The following IL1RAPL1 variants were observed in gnomAD, a reference collection of about 807,000 sequenced individuals.
IL1RAPL1 encodes interleukin 1 receptor accessory protein like 1.
Under a neutral mutation model 48.4 loss-of-function variants are expected in IL1RAPL1, and 3 were observed. That is an observed-to-expected ratio of 0.06 (90% CI 0.03 to 0.16). The LOEUF (loss-of-function observed/expected upper bound fraction) is 0.16, where lower values mean the gene tolerates loss of function less well. Ranked by LOEUF, IL1RAPL1 falls within the 10% of genes least tolerant of loss-of-function variation. The probability of loss-of-function intolerance (pLI) is 1.00; values close to 1 mark genes in which losing one functional copy is unlikely to be tolerated. For synonymous variants in IL1RAPL1, 185 were observed against 187.7 expected, an observed-to-expected ratio of 0.99 and a Z score of 0.12; for missense variants, 349 against 530.6, an observed-to-expected ratio of 0.66 and a Z score of 3.36.
intron 6 of IL1RAPL1, among the ~76,000 whole-genome samples, chrX:29,812,060 G>A (rs1334476306): frequency 8.9e-6 from 1 of 111,830 alleles, no homozygotes; most frequent in Non-Finnish European, 1.9e-5. Flanking sequence ...CAACTTAAAT[G>A]TTGTACAGTA....
chrX:29,359,033 A>C (rs1244380718), intron 3 of IL1RAPL1, among the ~76,000 whole-genome samples: 1 of 110,974 alleles, frequency 9.0e-6, no homozygotes, highest in Admixed American at 9.6e-5. Context: ...AAAAAAAAAA[A>C]CAACAATGTA....
intron 6 of IL1RAPL1, among the ~76,000 whole-genome samples, chrX:29,914,322 C>T (rs1218489989): frequency 8.9e-6 from 1 of 111,789 alleles, no homozygotes; most frequent in Non-Finnish European, 1.9e-5. Context: ...CAGTTGATGT[C>T]GGAAAGAAAG....
At chrX:29,405,612 C>T (rs1167239353) in intron 5 of IL1RAPL1, among the ~76,000 whole-genome samples, 2 of 106,923 alleles carry the variant, frequency 1.9e-5, no homozygotes, top group South Asian at 4.1e-4. Flanking sequence ...GTGATCCACC[C>T]GCCTCGGCCT....
intron 2 of IL1RAPL1, among the ~76,000 whole-genome samples, chrX:29,191,501 G>C (rs184349020): frequency 1.3e-3 from 143 of 111,636 alleles, no homozygotes; most frequent in Admixed American, 6.5e-3. Flanking sequence ...CTCCCCATCA[G>C]TCTGGCCCAG....
intron 2 of IL1RAPL1, among the ~76,000 whole-genome samples, chrX:29,216,328 T>C (rs1461950791): frequency 2.7e-5 from 3 of 110,869 alleles, no homozygotes; most frequent in Non-Finnish European, 1.9e-5. Flanking sequence ...TAGCTGGGAC[T>C]ACAGGCACGT....
chrX:28,684,405 T>C (rs1371203584), intron 1 of IL1RAPL1, among the ~76,000 whole-genome samples: 2 of 111,901 alleles, frequency 1.8e-5, no homozygotes, highest in Non-Finnish European at 3.8e-5. Flanking sequence ...CTTAATTCCT[T>C]GAGACTTTGG....
At chrX:29,800,047 ATAAT>A in intron 6 of IL1RAPL1, among the ~76,000 whole-genome samples, 1 of 111,878 alleles carries the variant, frequency 8.9e-6, no homozygotes, top group East Asian at 2.8e-4. Flanking sequence ...GCACAAAGAA[ATAAT>A]TATGTGCATA....
At chrX:28,832,822 AT>A (rs199869467) in intron 2 of IL1RAPL1, among the ~76,000 whole-genome samples, 3,874 of 80,286 alleles carry the variant, frequency 0.048, 166 homozygotes, top group African/African-American at 0.14. Context: ...ATTTTTTTCA[AT>A]TTTTTTTTTT....
rs951931153 is a variant in IL1RAPL1 at position 28,659,538 on chromosome X, T to C, written c.-25+71491T>C. ...GAGCTCGGCGAGCTAGAGGCGGCGC[T>C]GGCTAGAGGCGAGCTAGAGACTGGC... On this transcript the variant is annotated intron_variant, in intron 1 of 10. Transcript: ENST00000378993. 5.6e-5 allele frequency: 24 copies of C among 429,850 alleles called. No individual in the cohort carries two copies. The African/African-American group carries it at 5.8e-4, about 10-fold the overall frequency. 35.4% of individuals were successfully genotyped at this position (429,850 alleles called of 1,213,427 possible). A position where few individuals can be genotyped will look rare whatever the true frequency, so the allele number is the denominator to read the frequency against.
At chrX:28,849,692 C>G (rs894611639) in intron 2 of IL1RAPL1, among the ~76,000 whole-genome samples, 2 of 111,756 alleles carry the variant, frequency 1.8e-5, no homozygotes, top group African/African-American at 6.5e-5. Flanking sequence ...TCTGCAGTAT[C>G]AAAGCAAAAT....
chrX:29,057,416 C>CT (rs11349494), intron 2 of IL1RAPL1, among the ~76,000 whole-genome samples: 5 of 102,615 alleles, frequency 4.9e-5, no homozygotes, highest in Non-Finnish European at 7.9e-5. Context: ...GTTTGGCCTA[C>CT]TTTTTTTTTT....
chrX:29,465,339 G>A (rs1214161405), intron 5 of IL1RAPL1, among the ~76,000 whole-genome samples: 1 of 111,630 alleles, frequency 9.0e-6, no homozygotes, highest in Admixed American at 9.5e-5. Context: ...CCATGAGGTT[G>A]AGGCAGCAGT....
At chrX:29,711,071 C>T (rs186016549) in intron 6 of IL1RAPL1, among the ~76,000 whole-genome samples, 1 of 61,711 alleles carries the variant, frequency 1.6e-5, no homozygotes, top group Non-Finnish European at 3.6e-5. Flanking sequence ...TGTGTGTATA[C>T]ACACACACAC....
chrX:28,796,475 G>A (rs1936612024), intron 2 of IL1RAPL1, among the ~76,000 whole-genome samples: 1 of 111,867 alleles, frequency 8.9e-6, no homozygotes, highest in African/African-American at 3.3e-5. Context: ...GTAAATACAG[G>A]CATTCCAAAT....
chrX:29,327,130 A>G (rs1027204565), intron 3 of IL1RAPL1, among the ~76,000 whole-genome samples: 2 of 111,531 alleles, frequency 1.8e-5, no homozygotes, highest in African/African-American at 6.5e-5. Context: ...TGATTTAATT[A>G]TTCTGGGTAC....
intron 5 of IL1RAPL1, among the ~76,000 whole-genome samples, chrX:29,406,395 A>T (rs1372578175): frequency 9.0e-6 from 1 of 111,043 alleles, no homozygotes; most frequent in African/African-American, 3.3e-5. Flanking sequence ...TCTCAAAAAA[A>T]AAAAAGCAAA....
intron 1 of IL1RAPL1, among the ~76,000 whole-genome samples, chrX:28,619,685 A>T (rs748059840): frequency 1.8e-5 from 2 of 110,525 alleles, no homozygotes; most frequent in South Asian, 7.7e-4. Context: ...TGAGTGTGTC[A>T]TAATACTTAC....
chrX:29,944,620 T>C (rs905132938), intron 9 of IL1RAPL1, among the ~76,000 whole-genome samples: 3 of 112,155 alleles, frequency 2.7e-5, no homozygotes, highest in Non-Finnish European at 5.6e-5. Flanking sequence ...ATTCAGCTTC[T>C]TGTGGGTTAA....
At chrX:29,139,664 T>G (rs779469925) in intron 2 of IL1RAPL1, among the ~76,000 whole-genome samples, 78 of 111,710 alleles carry the variant, frequency 7.0e-4, no homozygotes, top group African/African-American at 2.3e-3. Flanking sequence ...TCTGTGTATC[T>G]TCTTCATTCT....
Sources: gnomAD v4.1 joint callset for allele counts (sites outside exome capture counted in the v4.1 genomes callset) on GRCh38, gnomAD v4.1.1 for gene constraint, MANE v1.5 for transcripts, NCBI Gene and HGNC (gene_info 2026-07-23, HGNC 2026-07-21) for gene names.